Variants in ARHGAP12 observed in about 807,000 individuals in gnomAD.
ARHGAP12 encodes Rho GTPase activating protein 12.
In ARHGAP12, 64 loss-of-function variants were observed where a neutral mutation model predicts 108.6. That is an observed-to-expected ratio of 0.59 (90% CI 0.48 to 0.73). The LOEUF (loss-of-function observed/expected upper bound fraction) is 0.73. Among genes scored for constraint, ARHGAP12 ranks in the 30% least tolerant of loss-of-function variants. The pLI is 0.00. For missense variants in ARHGAP12, 940 were observed against 1,005.9 expected (o/e 0.93, Z 0.89); for synonymous variants, 312 against 337.2 (o/e 0.93, Z 0.82).
At chr10:31,875,152 A>C (rs950519941) in intron 3 of ARHGAP12, among the ~76,000 whole-genome samples, 2 of 152,002 alleles carry the variant, frequency 1.3e-5, no homozygotes, top group African/African-American at 4.8e-5. Context: ...GAGTTCATCT[A>C]TTTTTGAAAT....
chr10:31,837,464 A>G (rs1006337156), intron 9 of ARHGAP12, among the ~76,000 whole-genome samples: 5 of 152,250 alleles, frequency 3.3e-5, no homozygotes, highest in African/African-American at 1.2e-4. Flanking sequence ...AGAAGTACAT[A>G]TAATAACTTG....
intron 1 of ARHGAP12, among the ~76,000 whole-genome samples, chr10:31,919,525 G>A (rs577574908): frequency 5.9e-5 from 9 of 152,320 alleles, no homozygotes; most frequent in African/African-American, 1.9e-4. Context: ...AGGCGCGGTG[G>A]CTCACGCCTG....
intron 10 of ARHGAP12, among the ~76,000 whole-genome samples, chr10:31,829,067 G>A (rs1293625088): frequency 6.6e-5 from 10 of 152,084 alleles, no homozygotes. Context: ...CAGGAGAATT[G>A]CTTGAATCTG....
intron 3 of ARHGAP12, among the ~76,000 whole-genome samples, chr10:31,875,198 A>C (rs1837685966): frequency 6.6e-6 from 1 of 152,052 alleles, no homozygotes; most frequent in Admixed American, 6.6e-5. Flanking sequence ...CGGGAGAAAA[A>C]GGGCCATTAA....
At chr10:31,922,513 C>T (rs1839867194) in intron 1 of ARHGAP12, among the ~76,000 whole-genome samples, 1 of 151,800 alleles carries the variant, frequency 6.6e-6, no homozygotes, top group African/African-American at 2.4e-5. Flanking sequence ...AGCAATCCTC[C>T]TAGCCTCAGC....
intron 16 of ARHGAP12, 114 bp from the exon 17 acceptor site, chr10:31,809,421 T>C: frequency 2.2e-6 from 2 of 921,666 alleles, no homozygotes; most frequent in Non-Finnish European, 3.5e-6. Context: ...TAAAATCAAA[T>C]GGGCAAATAT....
At chr10:31,882,757 G>A (rs1318369681) in intron 3 of ARHGAP12, among the ~76,000 whole-genome samples, 2 of 149,974 alleles carry the variant, frequency 1.3e-5, no homozygotes, top group East Asian at 4.0e-4. Flanking sequence ...AAGCTGCAGT[G>A]AGCTGAGATC....
intron 3 of ARHGAP12, among the ~76,000 whole-genome samples, chr10:31,863,805 C>A (rs1281915009): frequency 1.3e-5 from 2 of 152,004 alleles, no homozygotes; most frequent in Admixed American, 1.3e-4. Flanking sequence ...ACCAAGAAAG[C>A]ATTTGATAAA....
chr10:31,902,570 C>T (rs144895253), intron 3 of ARHGAP12, among the ~76,000 whole-genome samples: 106 of 151,426 alleles, frequency 7.0e-4, no homozygotes, highest in African/African-American at 2.5e-3. Context: ...CAACTACTCA[C>T]GAGGCTGAGA....
intron 6 of ARHGAP12, among the ~76,000 whole-genome samples, chr10:31,844,942 A>G (rs1836397665): frequency 1.3e-5 from 2 of 152,196 alleles, no homozygotes; most frequent in Admixed American, 1.3e-4. Context: ...GGGATATTAA[A>G]TGGAAATGCA....
intron 3 of ARHGAP12, among the ~76,000 whole-genome samples, chr10:31,900,899 A>C (rs11594032): frequency 0.11 from 16,969 of 152,190 alleles, 1,244 homozygotes; most frequent in Non-Finnish European, 0.17. Flanking sequence ...GACTATGACA[A>C]AACAACCTAA....
intron 3 of ARHGAP12, among the ~76,000 whole-genome samples, chr10:31,898,540 G>A (rs368934134): frequency 1.4e-4 from 22 of 152,134 alleles, no homozygotes; most frequent in Admixed American, 3.9e-4. Context: ...CGTGAGCACC[G>A]CACCTGGCCC....
intron 3 of ARHGAP12, among the ~76,000 whole-genome samples, chr10:31,884,109 AAAAAG>A (rs1164200603): frequency 1.3e-5 from 2 of 151,942 alleles, no homozygotes; most frequent in African/African-American, 4.8e-5. Context: ...AAAAAAAAAA[AAAAAG>A]AATTTAATTC....
intron 3 of ARHGAP12, among the ~76,000 whole-genome samples, chr10:31,880,635 C>T (rs1837911515): frequency 6.6e-6 from 1 of 152,048 alleles, no homozygotes; most frequent in African/African-American, 2.4e-5. Context: ...ACTAAATGTA[C>T]ATAAGTTATC....
At chr10:31,897,941 C>A (rs546832451) in intron 3 of ARHGAP12, among the ~76,000 whole-genome samples, 1 of 152,048 alleles carries the variant, frequency 6.6e-6, no homozygotes, top group African/African-American at 2.4e-5. Flanking sequence ...GCGTGGGCAA[C>A]AAGGTAAAAT....
chr10:31,877,200 G>T (rs1314643328), intron 3 of ARHGAP12, among the ~76,000 whole-genome samples: 1 of 152,204 alleles, frequency 6.6e-6, no homozygotes, highest in Non-Finnish European at 1.5e-5. Flanking sequence ...TATACTGAAA[G>T]TAGCATAAAG....
At chr10:31,839,430 T>A in intron 8 of ARHGAP12, 111 bp from the exon 9 acceptor site, 1 of 1,203,374 alleles carries the variant, frequency 8.3e-7, no homozygotes, top group Middle Eastern at 2.5e-4. Context: ...TATAATTTAA[T>A]CATGTAAGAT....
intron 3 of ARHGAP12, among the ~76,000 whole-genome samples, chr10:31,894,786 A>C (rs369955759): frequency 5.9e-5 from 9 of 152,238 alleles, no homozygotes; most frequent in African/African-American, 1.7e-4. Context: ...AGCCCGCATC[A>C]CCAAGTCAAT....
intron 15 of ARHGAP12, among the ~76,000 whole-genome samples, chr10:31,811,106 AC>A (rs1834999997): frequency 6.6e-6 from 1 of 152,180 alleles, no homozygotes; most frequent in Non-Finnish European, 1.5e-5. Context: ...AGTTCTAGAC[AC>A]ATTCTATTTT....
Sources: gnomAD v4.1 joint callset for allele counts (sites outside exome capture counted in the v4.1 genomes callset) on GRCh38, gnomAD v4.1.1 for gene constraint, MANE v1.5 for transcripts, NCBI Gene and HGNC (gene_info 2026-07-23, HGNC 2026-07-21) for gene names.